Variants in MINK1 observed in about 807,000 individuals in gnomAD.
The protein encoded by MINK1 is misshapen-like kinase 1.
MINK1 carries 46 observed loss-of-function variants against 178.4 expected under a neutral mutation model. The ratio of observed to expected loss-of-function variants is 0.26; its 90% CI spans 0.20 to 0.33. The LOEUF is 0.33. MINK1 is among the 10% of genes least tolerant of loss of function. The pLI, the probability that MINK1 is intolerant of heterozygous loss-of-function variation, is 1.00. For missense variants in MINK1, 1,366 were observed against 1,814.9 expected, an observed-to-expected ratio of 0.75 and a Z score of 4.49; for synonymous variants, 797 against 709.7, an observed-to-expected ratio of 1.12 and a Z score of -1.96.
intron 1 of MINK1, among the ~76,000 whole-genome samples, chr17:4,850,481 G>A (rs1379338076): frequency 6.6e-6 from 1 of 151,780 alleles, no homozygotes; most frequent in Non-Finnish European, 1.5e-5. Flanking sequence ...TTCTTTCTCA[G>A]AGTGTGATTC....
intron 1 of MINK1, among the ~76,000 whole-genome samples, chr17:4,839,068 C>T (rs1012084683): frequency 2.6e-5 from 4 of 152,026 alleles, no homozygotes; most frequent in Admixed American, 6.5e-5. Context: ...TTCAGCCTCC[C>T]GAGTAGCTGG....
intron 1 of MINK1, among the ~76,000 whole-genome samples, chr17:4,867,629 A>T (rs1403274883): frequency 1.3e-5 from 2 of 152,116 alleles, no homozygotes; most frequent in Non-Finnish European, 2.9e-5. Flanking sequence ...GCGAAACCCC[A>T]TCTCTACTAA....
At chr17:4,893,173 C>G in intron 20 of MINK1, 106 bp downstream of exon 20, 1 of 1,518,730 alleles carries the variant, frequency 6.6e-7, no homozygotes. Flanking sequence ...CCGAGAAGGG[C>G]TGTGGGGATG....
At chr17:4,843,248 A>G (rs141064565) in intron 1 of MINK1, among the ~76,000 whole-genome samples, 2,062 of 152,204 alleles carry the variant, frequency 0.014, 41 homozygotes, top group African/African-American at 0.046. Context: ...AGGCTGAGGC[A>G]GGCAGATTAC....
intron 1 of MINK1, among the ~76,000 whole-genome samples, chr17:4,835,583 C>T (rs1909188204): frequency 6.6e-6 from 1 of 152,162 alleles, no homozygotes; most frequent in Admixed American, 6.5e-5. Flanking sequence ...GCCAAGATTG[C>T]ACCACTGCAC....
intron 1 of MINK1, among the ~76,000 whole-genome samples, chr17:4,859,887 A>G (rs1045144123): frequency 1.3e-5 from 2 of 151,840 alleles, no homozygotes; most frequent in African/African-American, 4.8e-5. Flanking sequence ...TTACCCCTCA[A>G]AGGGTTTCAT....
intron 16 of MINK1, 112 bp from the exon 17 acceptor site, chr17:4,892,037 C>A: frequency 1.1e-6 from 1 of 904,070 alleles, no homozygotes; most frequent in South Asian, 1.5e-5. Context: ...CCCTGAACCT[C>A]AGTTTTCTCA....
At chr17:4,847,134 C>T in intron 1 of MINK1, 1 of 468,044 alleles carries the variant, frequency 2.1e-6, no homozygotes, top group South Asian at 1.5e-5. Context: ...GGCCTGCTAA[C>T]ACAACGGGCT....
chr17:4,881,126 G>T lies in MINK1; in HGVS notation c.181-6G>T, dbSNP rs776549206. On this transcript the variant is annotated splice_polypyrimidine_tract_variant and splice_region_variant and intron_variant, in intron 3 of 31. Coordinates refer to ENST00000355280, the MANE Select transcript of MINK1 (RefSeq NM_153827.5). Reference sequence around the variant, plus strand: ...TCTCAGGGCTCAGCTCCTCCCATCTGCTTAGGACGAGGAGGAAGAGATCAA... The same window carrying T: ...TCTCAGGGCTCAGCTCCTCCCATCTTCTTAGGACGAGGAGGAAGAGATCAA... 6.5e-7 allele frequency: 1 copy of T among 1,537,144 alleles called. No individual in the cohort carries two copies.
chr17:4,891,777 C>T lies in MINK1; in HGVS notation c.2001+61C>T. ...GAGCTAGTCATGAAGAGAAGGAGGG[C>T]AGTGAAGGGGCAGGCCACATGGAGG... On this transcript the variant is annotated intron_variant, in intron 16 of 31. Coordinates refer to ENST00000355280, the MANE Select transcript of MINK1 (RefSeq NM_153827.5). The T allele has an allele frequency of 4.6e-6, 7 of 1,522,660 alleles. No homozygotes were observed. In the South Asian group the frequency reaches 5.1e-5, roughly 11 times the overall value. 94.3% of individuals were successfully genotyped at this position (1,522,660 alleles called of 1,614,324 possible).
At chr17:4,837,206 A>G (rs1052649497) in intron 1 of MINK1, among the ~76,000 whole-genome samples, 2 of 152,112 alleles carry the variant, frequency 1.3e-5, no homozygotes, top group African/African-American at 4.8e-5. Context: ...CAACAACTAC[A>G]ACAAACAGTT....
chr17:4,893,714 G>C (rs571467392), intron 21 of MINK1, 117 bp downstream of exon 21: 2 of 1,370,664 alleles, frequency 1.5e-6, no homozygotes, highest in African/African-American at 1.5e-5. Flanking sequence ...CCCTTCTCTA[G>C]AGAGTGGGGT....
intron 1 of MINK1, among the ~76,000 whole-genome samples, chr17:4,844,415 A>G (rs1910697526): frequency 6.6e-6 from 1 of 152,014 alleles, no homozygotes; most frequent in African/African-American, 2.4e-5. Flanking sequence ...GTTTTTGGAG[A>G]CTTTTGGAAT....
chr17:4,879,393 C>T (rs1006051337), intron 2 of MINK1, among the ~76,000 whole-genome samples: 4 of 152,202 alleles, frequency 2.6e-5, no homozygotes, highest in Non-Finnish European at 4.4e-5. Flanking sequence ...TCTCTAGCCC[C>T]GTGTTTCCTG....
intron 1 of MINK1, among the ~76,000 whole-genome samples, chr17:4,859,530 G>T (rs962228230): frequency 6.6e-6 from 1 of 152,086 alleles, no homozygotes; most frequent in Admixed American, 6.6e-5. Context: ...CACTGGCTAC[G>T]TAATCCCAGC....
chr17:4,834,425 G>T (rs1168836211), intron 1 of MINK1, among the ~76,000 whole-genome samples: 3 of 152,186 alleles, frequency 2.0e-5, no homozygotes, highest in African/African-American at 7.2e-5. Context: ...GCTACATGTG[G>T]TCAGGCTGAA....
Position 4,833,889 on chromosome 17 carries a change from T to G in MINK1, c.57+249T>G, listed in dbSNP as rs1908871530. Among the ~76,000 whole-genome samples, 1 of 152,174 alleles carries G rather than the reference T, an allele frequency of 6.6e-6. No homozygotes were observed. Among genetic ancestry groups the G allele is most frequent in the African/African-American group, 2.4e-5 (1 of 41,452 alleles). On this transcript the variant is annotated intron_variant, in intron 1 of 31. Coordinates refer to ENST00000355280, the MANE Select transcript of MINK1 (RefSeq NM_153827.5). This position sits in a 1 kb window ranked among gnomAD's most constrained non-coding sequence, Gnocchi z 4.8. The stretch of plus-strand genomic sequence containing the variant: ...CCCTGTGGTGCCCCGCCCCCACACT[T>G]CCGTGCCACCCTACCTTTACTCTGG...
intron 1 of MINK1, among the ~76,000 whole-genome samples, chr17:4,858,516 GC>G (rs781316836): frequency 8.7e-5 from 12 of 137,214 alleles, no homozygotes; most frequent in Non-Finnish European, 1.6e-4. Context: ...TTGCTCTGTT[GC>G]CCAGGCTGGA....
chr17:4,892,710 T>C lies in MINK1; in HGVS notation c.2253T>C (p.Leu751=). The C allele has an allele frequency of 6.2e-7, 1 of 1,612,046 alleles. No homozygotes were observed. Among genetic ancestry groups the C allele is most frequent in the Non-Finnish European group, 8.5e-7 (1 of 1,179,574 alleles). The part of the protein sequence containing the change: ...DPGWERSDSV[L]PASHGHLPQA... ...GCTGGGAACGCTCGGACAGCGTCCTTCCAGCCTCTCACGGGCACCTCCCCC... is the reference window on the plus strand; with the variant it reads ...GCTGGGAACGCTCGGACAGCGTCCTCCCAGCCTCTCACGGGCACCTCCCCC... Residue 751 remains leucine, a synonymous_variant, in exon 19 of 32, where the codon CTT becomes CTC. Coordinates refer to ENST00000355280, the MANE Select transcript of MINK1 (RefSeq NM_153827.5).
Sources: gnomAD v4.1 joint callset for allele counts (sites outside exome capture counted in the v4.1 genomes callset) on GRCh38, gnomAD v4.1.1 for gene constraint, Gnocchi (gnomAD v3.1) non-coding constraint, MANE v1.5 for transcripts, NCBI Gene and HGNC (gene_info 2026-07-23, HGNC 2026-07-21) for gene names.